The following PPP2R2A variants were observed in gnomAD, a reference collection of about 807,000 sequenced individuals.
PPP2R2A encodes the protein serine/threonine-protein phosphatase 2A 55 kDa regulatory subunit B alpha isoform.
Under a neutral mutation model 53.2 loss-of-function variants are expected in PPP2R2A, and 9 were observed. That is an observed-to-expected ratio of 0.17 (90% CI 0.10 to 0.30). The LOEUF is 0.30. Ranked by LOEUF, PPP2R2A falls within the 10% of genes least tolerant of loss-of-function variation. The pLI is 1.00. For synonymous variants in PPP2R2A, 169 were observed against 174.2 expected (o/e 0.97, Z 0.23); for missense variants, 235 against 534.6 (o/e 0.44, Z 5.53).
intron 7 of PPP2R2A, 174 bp from the exon 8 acceptor site, chr8:26,363,547 A>T: frequency 1.8e-6 from 1 of 550,240 alleles, no homozygotes; most frequent in Non-Finnish European, 3.0e-6. Flanking sequence ...ATATTCAATT[A>T]AACTAAGAAG....
intron 2 of PPP2R2A, among the ~76,000 whole-genome samples, chr8:26,300,341 G>A (rs368861530): frequency 2.0e-5 from 3 of 152,198 alleles, no homozygotes; most frequent in African/African-American, 7.2e-5. Context: ...AGTATGTTAC[G>A]TATTTGCATA....
chr8:26,293,541 T>C (rs1801404634), intron 1 of PPP2R2A, 125 bp from the exon 2 acceptor site: 1 of 879,828 alleles, frequency 1.1e-6, no homozygotes, highest in Non-Finnish European at 1.7e-6. Flanking sequence ...GTGCTCTTGG[T>C]GGTAGTTGTA....
chr8:26,360,930 CTG>C lies in PPP2R2A; in HGVS notation c.460-43_460-42del, dbSNP rs1805051985. On this transcript the variant is annotated intron_variant, in intron 5 of 9. Transcript: ENST00000380737. The surrounding 1 kb of genome is among the most constrained non-coding windows in gnomAD (Gnocchi z 4.5). ...TCTGAATCTTAATTGCTATTTGAAA[CTG>C]AGCCTTTTGTAATTTCTGTTTTTCA... The C allele has an allele frequency of 6.5e-7, 1 of 1,537,868 alleles. No individual in the cohort carries two copies.
At chr8:26,341,500 A>G (rs1803942577) in intron 3 of PPP2R2A, among the ~76,000 whole-genome samples, 1 of 152,238 alleles carries the variant, frequency 6.6e-6, no homozygotes, top group Non-Finnish European at 1.5e-5. Flanking sequence ...CAGTTTGAAA[A>G]GTGAAAGAAA....
At chr8:26,349,435 C>G (rs1413281076) in intron 3 of PPP2R2A, among the ~76,000 whole-genome samples, 1 of 152,142 alleles carries the variant, frequency 6.6e-6, no homozygotes, top group Non-Finnish European at 1.5e-5. Context: ...GAGAATAAAG[C>G]TGTAATGGGC....
chr8:26,293,924 C>G, intron 2 of PPP2R2A, 184 bp downstream of exon 2: 2 of 589,890 alleles, frequency 3.4e-6, no homozygotes, highest in South Asian at 4.4e-5. Context: ...GTTATTTACG[C>G]CTTGTTTTTA....
chr8:26,320,865 G>T (rs1200737264), intron 2 of PPP2R2A, among the ~76,000 whole-genome samples: 1 of 152,112 alleles, frequency 6.6e-6, no homozygotes, highest in Non-Finnish European at 1.5e-5. Context: ...ATATGGCTAG[G>T]AACACCAGCA....
chr8:26,363,858 A>C lies in PPP2R2A; in HGVS notation c.940A>C (p.Asn314His). ...TTTGTCAGTCAAAATTTGGGACTTA[A>C]ATATGGAAAACAGGCCTGTGGAAAC... is the stretch of plus-strand genomic sequence containing the variant. ...DYLSVKIWDL[N>H]MENRPVETYQ... The change falls in exon 8 of 10, where the codon AAT becomes CAT. Residue 314 changes from asparagine to histidine, a missense_variant. By Grantham distance (68) the Asn-to-His change is moderately conservative (BLOSUM62 1). Around this residue, in one of 3 missense-constraint regions of PPP2R2A, gnomAD observed 181 missense variants for 409.9 expected, o/e 0.44. Transcript: ENST00000380737. 6.2e-7 allele frequency: 1 copy of C among 1,604,266 alleles called. No individual in the cohort carries two copies.
At position 26,338,966 on chromosome 8, in the gene PPP2R2A, C is replaced by A; in HGVS notation, c.159C>A (p.Val53=). 1 of 1,604,242 alleles carries A rather than the reference C, an allele frequency of 6.2e-7. No individual in the cohort carries two copies. Among genetic ancestry groups the A allele is most frequent in the South Asian group, 1.1e-5 (1 of 90,682 alleles). ...LATGDKGGRV[V]IFQQEQENKI... ...CAGGAGATAAAGGTGGTAGAGTTGT[C>A]ATCTTTCAACAGGAGCAGGAGGTAA... Residue 53 remains valine, a synonymous_variant, in exon 3 of 10, where the codon GTC becomes GTA. Coordinates refer to ENST00000380737, the MANE Select transcript of PPP2R2A (RefSeq NM_002717.4). This position sits in a 1 kb window ranked among gnomAD's most constrained non-coding sequence, Gnocchi z 4.5.
At position 26,362,413 on chromosome 8, in the gene PPP2R2A, T is replaced by C. The variant is rs879389892; in HGVS notation, c.638-271T>C. On this transcript the variant is annotated intron_variant, in intron 6 of 9. Coordinates refer to ENST00000380737, the MANE Select transcript of PPP2R2A (RefSeq NM_002717.4). This position sits in a 1 kb window ranked among gnomAD's most constrained non-coding sequence, Gnocchi z 4.4. ...CCAGCTTTTCTGGAGACTGATGCAGTAGAATCGCTTGAACCTGGGAGTCGG... is the reference window on the plus strand; with the variant it reads ...CCAGCTTTTCTGGAGACTGATGCAGCAGAATCGCTTGAACCTGGGAGTCGG... 1.3e-4 allele frequency among the ~76,000 whole-genome samples: 19 copies of C among 151,006 alleles called. No homozygotes were observed. Among genetic ancestry groups the C allele is most frequent in the Non-Finnish European group, 2.7e-4 (18 of 67,748 alleles).
chr8:26,312,551 A>G (rs536776091), intron 2 of PPP2R2A, among the ~76,000 whole-genome samples: 1 of 152,330 alleles, frequency 6.6e-6, no homozygotes, highest in African/African-American at 2.4e-5. Flanking sequence ...TTCTCACATC[A>G]GTTAACATTT....
At chr8:26,346,115 G>A (rs561483126) in intron 3 of PPP2R2A, among the ~76,000 whole-genome samples, 2 of 103,626 alleles carry the variant, frequency 1.9e-5, no homozygotes, top group African/African-American at 4.1e-5. Flanking sequence ...ATTACCAGTC[G>A]GGTTATTATT....
In PPP2R2A at chr8:26,291,721, C is replaced by A; in HGVS notation, c.-99C>A. The A allele has an allele frequency of 1.6e-6, 2 of 1,270,678 alleles. No homozygotes were observed. The highest frequency in any genetic ancestry group is 2.2e-6 in the Non-Finnish European group (2 of 920,252). The allele number at this position is 1,270,678 out of a possible 1,614,324, so 78.7% of individuals were successfully genotyped here. A position where few individuals can be genotyped will look rare whatever the true frequency, so the allele number is the denominator to read the frequency against. ...CTCCCCCCGCAGGTGCCATCCGCCGCCATCCGCCCTCTCTACCCCCCCATC... is the reference window on the plus strand; with the variant it reads ...CTCCCCCCGCAGGTGCCATCCGCCGACATCCGCCCTCTCTACCCCCCCATC... On this transcript the variant is annotated 5_prime_UTR_variant, in exon 1 of 10. Transcript: ENST00000380737.
intron 3 of PPP2R2A, among the ~76,000 whole-genome samples, chr8:26,352,963 A>G (rs2117375824): frequency 6.6e-6 from 1 of 152,316 alleles, no homozygotes; most frequent in Middle Eastern, 3.4e-3. Context: ...AGTACTATAT[A>G]TTATAGTCTC....
intron 2 of PPP2R2A, among the ~76,000 whole-genome samples, chr8:26,314,140 T>A (rs971203165): frequency 3.9e-5 from 6 of 152,242 alleles, no homozygotes; most frequent in Non-Finnish European, 8.8e-5. Context: ...CAGTTTATGT[T>A]CTTCCTGGAG....
At chr8:26,339,483 A>C (rs1458162218) in intron 3 of PPP2R2A, among the ~76,000 whole-genome samples, 1 of 152,212 alleles carries the variant, frequency 6.6e-6, no homozygotes, top group Non-Finnish European at 1.5e-5. Flanking sequence ...TTGCATGTAC[A>C]TGCATGTAAA....
At chr8:26,357,462 G>A (rs189376688) in intron 4 of PPP2R2A, among the ~76,000 whole-genome samples, 5 of 152,054 alleles carry the variant, frequency 3.3e-5, no homozygotes, top group South Asian at 2.1e-4. Flanking sequence ...CTTAAAGGAC[G>A]TCATAGTCAC....
At chr8:26,313,743 C>G (rs1373762521) in intron 2 of PPP2R2A, among the ~76,000 whole-genome samples, 1 of 152,130 alleles carries the variant, frequency 6.6e-6, no homozygotes, top group Admixed American at 6.5e-5. Context: ...GAAAGGGTCA[C>G]AAGCCAAGAA....
At chr8:26,313,898 G>A (rs1172050715) in intron 2 of PPP2R2A, among the ~76,000 whole-genome samples, 1 of 152,130 alleles carries the variant, frequency 6.6e-6, no homozygotes, top group African/African-American at 2.4e-5. Flanking sequence ...AAAAATTAAT[G>A]GTGTTTTAAG....
Sources: allele counts gnomAD v4.1 joint callset (sites outside exome capture counted in the v4.1 genomes callset), GRCh38; gene constraint gnomAD v4.1.1; regional missense constraint gnomAD v4.1.1; non-coding constraint Gnocchi (gnomAD v3.1); transcripts MANE v1.5; gene names NCBI Gene and HGNC (gene_info 2026-07-23, HGNC 2026-07-21).